The following EXOC6B variants were observed in gnomAD, a reference collection of about 807,000 sequenced individuals.
The protein encoded by EXOC6B is SEC15 homolog B.
Under a neutral mutation model 113.5 loss-of-function variants are expected in EXOC6B, and 54 were observed. The ratio of observed to expected loss-of-function variants is 0.48; its 90% CI spans 0.38 to 0.60. The LOEUF (loss-of-function observed/expected upper bound fraction) is 0.60, where lower values mean the gene tolerates loss of function less well. EXOC6B is among the 20% of genes least tolerant of loss of function. EXOC6B has a pLI of 0.00. For missense variants in EXOC6B, 797 were observed against 977.5 expected (o/e 0.82, Z 2.46); for synonymous variants, 357 against 339.0 (o/e 1.05, Z -0.58).
intron 19 of EXOC6B, among the ~76,000 whole-genome samples, chr2:72,353,964 T>C (rs370599767): frequency 6.6e-6 from 1 of 152,110 alleles, no homozygotes; most frequent in Non-Finnish European, 1.5e-5. Context: ...AGATTGAAAA[T>C]GCAGAGAAAG....
At chr2:72,508,184 A>AAAAAAAAAAAAAAAAAAAAAC (rs923877882) in intron 11 of EXOC6B, among the ~76,000 whole-genome samples, 10 of 89,104 alleles carry the variant, frequency 1.1e-4, no homozygotes, top group African/African-American at 5.3e-4. Flanking sequence ...AAAAAAAAAA[A>AAAAAAAAAAAAAAAAAAAAAC]ACACCTAAAA....
chr2:72,742,709 G>GCTC (rs1328589889), intron 1 of EXOC6B, among the ~76,000 whole-genome samples: 1 of 151,946 alleles, frequency 6.6e-6, no homozygotes, highest in Non-Finnish European at 1.5e-5. Flanking sequence ...TCCATTCTCA[G>GCTC]CTCCTCCTCC....
intron 20 of EXOC6B, among the ~76,000 whole-genome samples, chr2:72,276,737 C>T (rs1463113197): frequency 6.6e-6 from 1 of 152,038 alleles, no homozygotes; most frequent in Non-Finnish European, 1.5e-5. Flanking sequence ...ATAGTATTAA[C>T]TTGTTCATTT....
chr2:72,520,896 G>A (rs945658506), intron 8 of EXOC6B, among the ~76,000 whole-genome samples: 2 of 152,070 alleles, frequency 1.3e-5, no homozygotes, highest in Non-Finnish European at 2.9e-5. Context: ...AGGATGAACT[G>A]TACAGCCACC....
chr2:72,514,591 TA>T (rs763622147), intron 10 of EXOC6B, 42 bp downstream of exon 10: 9 of 238,950 alleles, frequency 3.8e-5, no homozygotes, highest in Non-Finnish European at 6.5e-5. Flanking sequence ...AATAAATAAA[TA>T]AATAAATAAA....
At chr2:72,480,573 T>C (rs905563889) in intron 17 of EXOC6B, 43 bp downstream of exon 17, 1 of 1,535,346 alleles carries the variant, frequency 6.5e-7, no homozygotes, top group South Asian at 1.3e-5. Flanking sequence ...TCCCAGACTG[T>C]GTACACCAGA....
chr2:72,459,694 G>C (rs1231687209), intron 18 of EXOC6B, among the ~76,000 whole-genome samples: 1 of 152,016 alleles, frequency 6.6e-6, no homozygotes. Flanking sequence ...CACTGCTCAA[G>C]GAAATAAAAG....
chr2:72,213,868 C>T (rs1680342850), intron 20 of EXOC6B, among the ~76,000 whole-genome samples: 1 of 152,032 alleles, frequency 6.6e-6, no homozygotes, highest in Non-Finnish European at 1.5e-5. Flanking sequence ...TGCCTTGATC[C>T]TGGACTTCTC....
At chr2:72,626,271 G>C (rs1672043694) in intron 6 of EXOC6B, among the ~76,000 whole-genome samples, 1 of 152,002 alleles carries the variant, frequency 6.6e-6, no homozygotes, top group African/African-American at 2.4e-5. Flanking sequence ...ATCAAGAAGA[G>C]AAAAAACACT....
At chr2:72,707,027 G>C (rs1427569319) in intron 6 of EXOC6B, among the ~76,000 whole-genome samples, 1 of 152,074 alleles carries the variant, frequency 6.6e-6, no homozygotes, top group African/African-American at 2.4e-5. Flanking sequence ...GAATGAAGGG[G>C]CCCCCTTCCA....
rs1679760570 is a variant in EXOC6B, at chr2:72,718,226, C to T, written c.546G>A (p.Val182=). ...PQVSHYRFCK[V]MVDNIPKLRE... ...GAAGCTTGGGGATGTTGTCCACCAT[C>T]ACCTTGCAGAATCGATAGTGGCTTA... is the stretch of plus-strand genomic sequence containing the variant. Residue 182 remains valine, a synonymous_variant, in exon 6 of 22, where the codon GTG becomes GTA. Coordinates refer to ENST00000272427, the MANE Select transcript of EXOC6B (RefSeq NM_015189.3). The T allele has an allele frequency of 1.9e-6, 3 of 1,613,860 alleles. No homozygotes were observed. Among genetic ancestry groups the T allele is most frequent in the Non-Finnish European group, 2.5e-6 (3 of 1,179,798 alleles).
chr2:72,753,191 A>G (rs1257626249), intron 1 of EXOC6B, among the ~76,000 whole-genome samples: 2 of 151,736 alleles, frequency 1.3e-5, no homozygotes, highest in African/African-American at 4.8e-5. Flanking sequence ...GGATCTCTTG[A>G]ACCCAGGAGT....
rs1164001498 is a variant in EXOC6B, at chr2:72,357,205, C to T, written c.2123-22185G>A. Among the ~76,000 whole-genome samples the T allele has an allele frequency of 2.6e-5, 4 of 152,158 alleles. No individual in the cohort carries two copies. The South Asian group carries it at 6.2e-4, about 24-fold the overall frequency. ...AGAGACAGACACCATATTTATATTA[C>T]ATAACAGCATATTGTTATAATTGTT... On this transcript the variant is annotated intron_variant, in intron 19 of 21. Transcript: ENST00000272427.
In EXOC6B at chr2:72,182,199, C is replaced by A. The variant is rs771116205; in HGVS notation, c.2309+1876G>T. Among the ~76,000 whole-genome samples the A allele has an allele frequency of 6.3e-4, 96 of 152,188 alleles. 1 individual carries two copies. In the Middle Eastern group the frequency reaches 0.014, roughly 22 times the overall value. On this transcript the variant is annotated intron_variant, in intron 21 of 21. Transcript: ENST00000272427. The stretch of plus-strand genomic sequence containing the variant: ...ATTGCTAGGGCTAAGCACATAGTTT[C>A]TTTACTGGCCAACGCTCCAGAATGG...
intron 15 of EXOC6B, among the ~76,000 whole-genome samples, chr2:72,493,182 T>C (rs1054950206): frequency 1.3e-5 from 2 of 152,128 alleles, no homozygotes; most frequent in African/African-American, 4.8e-5. Context: ...ACCTTTCCTA[T>C]TCTGCCACAG....
At chr2:72,819,074 G>A (rs1197917347) in intron 1 of EXOC6B, among the ~76,000 whole-genome samples, 1 of 152,208 alleles carries the variant, frequency 6.6e-6, no homozygotes, top group Non-Finnish European at 1.5e-5. Flanking sequence ...GAGCCTGGAA[G>A]AGTATCTGGC....
intron 18 of EXOC6B, among the ~76,000 whole-genome samples, chr2:72,443,712 A>G (rs1019174322): frequency 2.6e-5 from 4 of 152,134 alleles, no homozygotes; most frequent in South Asian, 2.1e-4. Context: ...TGTGCAGGGG[A>G]ACTCCCCTTT....
chr2:72,786,479 C>T lies in EXOC6B; in HGVS notation c.113+39319G>A, dbSNP rs192995813. 1.0e-3 allele frequency among the ~76,000 whole-genome samples: 159 copies of T among 152,272 alleles called. 1 individual carries two copies. Among genetic ancestry groups the T allele is most frequent in the Admixed American group, 5.6e-3 (86 of 15,292 alleles). On this transcript the variant is annotated intron_variant, in intron 1 of 21. Transcript: ENST00000272427. ...TGTAAACAACTATAATGCAATGTCA[C>T]TTGTACTATGTTGATGATTTTTATA... is the stretch of plus-strand genomic sequence containing the variant.
chr2:72,539,944 C>G (rs1702505698), intron 8 of EXOC6B, among the ~76,000 whole-genome samples: 1 of 107,692 alleles, frequency 9.3e-6, no homozygotes, highest in African/African-American at 3.6e-5. Context: ...CTATCCCTCC[C>G]CCCTCCCCCC....
Sources: allele counts gnomAD v4.1 joint callset (sites outside exome capture counted in the v4.1 genomes callset), GRCh38; gene constraint gnomAD v4.1.1; transcripts MANE v1.5; gene names NCBI Gene and HGNC (gene_info 2026-07-23, HGNC 2026-07-21).